The following KCTD16 variants were observed in gnomAD, a reference collection of about 807,000 sequenced individuals.
KCTD16 encodes potassium channel tetramerization domain containing 16.
In KCTD16, 13 loss-of-function variants were observed where a neutral mutation model predicts 33.2. The observed-to-expected ratio is 0.39, with a 90% CI of 0.25 to 0.62. The LOEUF is 0.62. Among genes scored for constraint, KCTD16 ranks in the 20% least tolerant of loss-of-function variants. The pLI is 0.50. For missense variants in KCTD16, 441 were observed against 525.1 expected (o/e 0.84, Z 1.57); for synonymous variants, 197 against 195.3 (o/e 1.01, Z -0.07).
At chr5:144,176,648 C>T (rs1752515000) in intron 2 of KCTD16, among the ~76,000 whole-genome samples, 3 of 151,316 alleles carry the variant, frequency 2.0e-5, no homozygotes, top group Admixed American at 6.6e-5. Flanking sequence ...ATGATCCACT[C>T]GCCTCGGCCT....
intron 3 of KCTD16, among the ~76,000 whole-genome samples, chr5:144,417,475 T>C (rs2126958631): frequency 6.6e-6 from 1 of 152,290 alleles, no homozygotes; most frequent in Admixed American, 6.5e-5. Context: ...TTTGCCTTTT[T>C]TGTTATTGTA....
At chr5:144,436,617 C>T (rs1297454778) in intron 3 of KCTD16, among the ~76,000 whole-genome samples, 3 of 148,640 alleles carry the variant, frequency 2.0e-5, no homozygotes, top group African/African-American at 5.0e-5. Flanking sequence ...GACGGAGTAT[C>T]GCTCTTGTCA....
At chr5:144,189,744 A>G (rs1752804801) in intron 2 of KCTD16, among the ~76,000 whole-genome samples, 1 of 152,188 alleles carries the variant, frequency 6.6e-6, no homozygotes, top group Non-Finnish European at 1.5e-5. Context: ...GTGGTTTGCC[A>G]GCATTTTTCC....
At chr5:144,179,656 A>G (rs1752577477) in intron 2 of KCTD16, among the ~76,000 whole-genome samples, 1 of 152,264 alleles carries the variant, frequency 6.6e-6, no homozygotes, top group African/African-American at 2.4e-5. Context: ...TAAGACTAGT[A>G]TCAGATTCAC....
At chr5:144,462,732 C>T (rs2126993611) in intron 3 of KCTD16, among the ~76,000 whole-genome samples, 1 of 152,204 alleles carries the variant, frequency 6.6e-6, no homozygotes, top group Middle Eastern at 3.4e-3. Flanking sequence ...TCCACAATGA[C>T]CATGCTATTT....
chr5:144,346,180 A>T (rs1233895513), intron 3 of KCTD16, among the ~76,000 whole-genome samples: 1 of 152,106 alleles, frequency 6.6e-6, no homozygotes, highest in Non-Finnish European at 1.5e-5. Flanking sequence ...GCTGCAAATG[A>T]CTAGATCTCC....
intron 3 of KCTD16, among the ~76,000 whole-genome samples, chr5:144,317,661 C>T (rs1751957169): frequency 6.6e-6 from 1 of 152,282 alleles, no homozygotes; most frequent in East Asian, 1.9e-4. Flanking sequence ...TCACGTTTTC[C>T]TTTCCTATCC....
At chr5:144,278,944 A>T (rs1027554204) in intron 3 of KCTD16, among the ~76,000 whole-genome samples, 1 of 152,220 alleles carries the variant, frequency 6.6e-6, no homozygotes, top group Non-Finnish European at 1.5e-5. Context: ...TTGGTTTCCA[A>T]TTAATGAGAT....
At chr5:144,280,325 A>G (rs1047031796) in intron 3 of KCTD16, among the ~76,000 whole-genome samples, 5 of 152,128 alleles carry the variant, frequency 3.3e-5, no homozygotes, top group Admixed American at 6.5e-5. Context: ...TTGGAAGTTT[A>G]TAATTTATAA....
At chr5:144,339,583 G>A (rs1186228366) in intron 3 of KCTD16, among the ~76,000 whole-genome samples, 1 of 152,140 alleles carries the variant, frequency 6.6e-6, no homozygotes, top group African/African-American at 2.4e-5. Flanking sequence ...TGCCTGACAT[G>A]TTACTAGAAA....
intron 3 of KCTD16, among the ~76,000 whole-genome samples, chr5:144,343,166 C>T (rs1315238004): frequency 2.0e-5 from 3 of 152,140 alleles, no homozygotes; most frequent in Non-Finnish European, 4.4e-5. Context: ...CCAGTTCCTC[C>T]TTGTACCTCT....
chr5:144,177,722 A>G (rs1052048619), intron 2 of KCTD16, among the ~76,000 whole-genome samples: 2 of 152,088 alleles, frequency 1.3e-5, no homozygotes, highest in African/African-American at 4.8e-5. Context: ...CCTCATTTTA[A>G]TTTGATTATC....
At chr5:144,422,399 A>G (rs1176112365) in intron 3 of KCTD16, among the ~76,000 whole-genome samples, 2 of 152,208 alleles carry the variant, frequency 1.3e-5, no homozygotes, top group African/African-American at 4.8e-5. Context: ...TAAAAATTTC[A>G]AACGGATCCA....
chr5:144,235,856 T>C (rs1754237334), intron 3 of KCTD16, among the ~76,000 whole-genome samples: 1 of 152,110 alleles, frequency 6.6e-6, no homozygotes, highest in Non-Finnish European at 1.5e-5. Flanking sequence ...ACCAAAATAA[T>C]TTACACAACT....
At chr5:144,223,338 T>C (rs1403343865) in intron 3 of KCTD16, among the ~76,000 whole-genome samples, 1 of 152,020 alleles carries the variant, frequency 6.6e-6, no homozygotes, top group Non-Finnish European at 1.5e-5. Flanking sequence ...AAGTTAAAAA[T>C]ATGTACTATA....
intron 3 of KCTD16, among the ~76,000 whole-genome samples, chr5:144,333,986 A>G (rs1372507148): frequency 6.6e-6 from 1 of 152,116 alleles, no homozygotes; most frequent in Non-Finnish European, 1.5e-5. Context: ...TTTGCTCTTG[A>G]CTTAAAGTTT....
intron 3 of KCTD16, among the ~76,000 whole-genome samples, chr5:144,388,478 A>G (rs1004876240): frequency 1.1e-4 from 17 of 152,112 alleles, no homozygotes; most frequent in African/African-American, 4.1e-4. Context: ...TATTGTCTTG[A>G]ATGTAACACT....
chr5:144,216,855 A>G (rs76930224), intron 3 of KCTD16, among the ~76,000 whole-genome samples: 8 of 151,204 alleles, frequency 5.3e-5, no homozygotes, highest in East Asian at 1.9e-4. Flanking sequence ...AAAAAAAAAA[A>G]AAAAAGAAAA....
At chr5:144,258,316 G>A (rs1184316617) in intron 3 of KCTD16, among the ~76,000 whole-genome samples, 1 of 151,530 alleles carries the variant, frequency 6.6e-6, no homozygotes. Flanking sequence ...ATTTAGAATA[G>A]TATAGTAATA....
Sources: gnomAD v4.1 joint callset for allele counts (sites outside exome capture counted in the v4.1 genomes callset) on GRCh38, gnomAD v4.1.1 for gene constraint, MANE v1.5 for transcripts, NCBI Gene and HGNC (gene_info 2026-07-23, HGNC 2026-07-21) for gene names.